Variants in ZSCAN31 observed in about 807,000 individuals in gnomAD.
The protein encoded by ZSCAN31 is zinc finger and SCAN domain containing 31, also known as zinc finger and SCAN domain-containing protein 31.
ZSCAN31 carries 14 observed loss-of-function variants against 22.5 expected under a neutral mutation model. The observed-to-expected ratio is 0.62, with a 90% CI of 0.41 to 0.97. The LOEUF (loss-of-function observed/expected upper bound fraction) is 0.97. Among genes scored for constraint, ZSCAN31 ranks in the 50% least tolerant of loss-of-function variants. The pLI is 0.00. For synonymous variants in ZSCAN31, 168 were observed against 169.8 expected (o/e 0.99, Z 0.08); for missense variants, 424 against 483.4 (o/e 0.88, Z 1.15).
At position 28,329,743 on chromosome 6, in the gene ZSCAN31, A is replaced by C; in HGVS notation, c.-60T>G. On this transcript the variant is annotated 5_prime_UTR_variant, in exon 2 of 4. Coordinates refer to ENST00000344279, the MANE Select transcript of ZSCAN31 (RefSeq NM_030899.5). ...TAAGTAAAGGGATAACTGTGATTTA[A>C]AATTTTCTGATTTAATCTTCCTTAG... The C allele has an allele frequency of 6.6e-7, 1 of 1,523,804 alleles. No individual in the cohort carries two copies. Among genetic ancestry groups the C allele is most frequent in the Non-Finnish European group, 8.8e-7 (1 of 1,138,636 alleles). The allele number at this position is 1,523,804 out of a possible 1,614,324, so 94.4% of individuals were successfully genotyped here.
intron 1 of ZSCAN31, among the ~76,000 whole-genome samples, chr6:28,330,301 G>C (rs1280967134): frequency 1.3e-5 from 2 of 151,924 alleles, no homozygotes; most frequent in African/African-American, 2.4e-5. Flanking sequence ...TGTATAAATA[G>C]GGCCTGCCCA....
chr6:28,348,136 T>C (rs1764725480), intron 2 of ZSCAN31, among the ~76,000 whole-genome samples: 1 of 152,198 alleles, frequency 6.6e-6, no homozygotes. Context: ...GTTGACTATA[T>C]GTGTTGCAAA....
In ZSCAN31 at chr6:28,333,927, A is replaced by G. The variant is rs531114975; in HGVS notation, c.-96+2155T>C. On this transcript the variant is annotated intron_variant, in intron 1 of 3. Transcript: ENST00000344279. This position sits in a 1 kb window ranked among gnomAD's most constrained non-coding sequence, Gnocchi z 4.1. ...GAATGAGCTGAGGGAATGAGGGTAG[A>G]GGCAAAAGTGGAAGCAGAAAGCAAG... Among the ~76,000 whole-genome samples, 3 of 152,250 alleles carry G rather than the reference A, an allele frequency of 2.0e-5. No individual in the cohort carries two copies. Among genetic ancestry groups the G allele is most frequent in the African/African-American group, 7.2e-5 (3 of 41,566 alleles).
Position 28,347,506 on chromosome 6 carries a change from C to T in ZSCAN31, c.-370-5714G>A, listed in dbSNP as rs1764689656. ...TCCTCTCCTTCCCCTTTTTAAAAAT[C>T]GCAGTGCTTATCAACTTCCATTCCA... On this transcript the variant is annotated intron_variant, in intron 2 of 7. Coordinates refer to the ZSCAN31 transcript ENST00000396838. This position sits in a 1 kb window ranked among gnomAD's most constrained non-coding sequence, Gnocchi z 5.2. Among the ~76,000 whole-genome samples the T allele has an allele frequency of 1.3e-5, 2 of 152,142 alleles. No homozygotes were observed. The highest frequency in any genetic ancestry group is 4.8e-5 in the African/African-American group (2 of 41,438).
rs753760721 is a variant in ZSCAN31 at position 28,326,350 on chromosome 6, G to C, written c.1037C>G (p.Thr346Ser). Residue 346 changes from threonine (T) to serine (S), a missense_variant, in exon 4 of 4, where the codon ACT (threonine) becomes AGT (serine). By Grantham distance (58) the Thr-to-Ser change is moderately conservative (BLOSUM62 1). Transcript: ENST00000344279. ...ACGACACTGATAGCGCTTCTCTCCA[G>C]TGTGTATCCTCTGATGCTGAACAAG... is the stretch of plus-strand genomic sequence containing the variant. ...SCLVQHQRIHTGEKRYQCREC... is the reference protein window; with the variant it reads ...SCLVQHQRIHSGEKRYQCREC... 24 of 1,614,142 alleles carry C rather than the reference G, an allele frequency of 1.5e-5. No homozygotes were observed. The highest frequency in any genetic ancestry group is 1.6e-4 in the Middle Eastern group (1 of 6,084).
At chr6:28,329,825 T>G (rs1361687141) in intron 1 of ZSCAN31, 47 bp from the exon 2 acceptor site, 2 of 1,136,658 alleles carry the variant, frequency 1.8e-6, no homozygotes, top group East Asian at 2.5e-5. Context: ...CATAAAGTAG[T>G]GGGGAAAAAA....
At chr6:28,343,064 A>G (rs946940251) in intron 2 of ZSCAN31, among the ~76,000 whole-genome samples, 1 of 152,220 alleles carries the variant, frequency 6.6e-6, no homozygotes, top group Non-Finnish European at 1.5e-5. Context: ...ATGTGGTCAT[A>G]TAGGGGCCAG....
rs144910587 is a variant in ZSCAN31 at position 28,333,161 on chromosome 6, CAGTGGACTTCCACACTCATGAA to C, written c.-96+2899_-96+2920del. On this transcript the variant is annotated intron_variant, in intron 1 of 3. Transcript: ENST00000344279. This position sits in a 1 kb window ranked among gnomAD's most constrained non-coding sequence, Gnocchi z 4.1. ...GCTCACTGTTTCATTCCAGGACCTG[CAGTGGACTTCCACACTCATGAA>C]AGGGAGACAGAAAAATAAAAGGTAG... Among the ~76,000 whole-genome samples the C allele has an allele frequency of 6.6e-6, 1 of 152,148 alleles. No homozygotes were observed. Among genetic ancestry groups the C allele is most frequent in the African/African-American group, 2.4e-5 (1 of 41,426 alleles).
intron 2 of ZSCAN31, among the ~76,000 whole-genome samples, chr6:28,344,167 A>T (rs1764542598): frequency 7.9e-5 from 12 of 152,222 alleles, no homozygotes; most frequent in Admixed American, 6.5e-4. Context: ...GCAGGGAAAT[A>T]TATTCAATGA....
chr6:28,329,275 G>A (rs762388920), intron 2 of ZSCAN31, 28 bp downstream of exon 2: 2 of 1,541,492 alleles, frequency 1.3e-6, no homozygotes, highest in Non-Finnish European at 1.7e-6. Context: ...AGTATTTAAT[G>A]TCTAGAAGTC....
At chr6:28,346,779 A>G (rs1163409271) in intron 2 of ZSCAN31, among the ~76,000 whole-genome samples, 1 of 152,216 alleles carries the variant, frequency 6.6e-6, no homozygotes, top group Non-Finnish European at 1.5e-5. Flanking sequence ...AGATGATAGT[A>G]AAGGATGAGG....
intron 3 of ZSCAN31, 64 bp from the exon 4 acceptor site, chr6:28,326,918 A>T (rs1763328066): frequency 2.2e-6 from 3 of 1,383,950 alleles, no homozygotes; most frequent in Non-Finnish European, 3.0e-6. Context: ...CAATCATAGG[A>T]TGGAAATAGA....
chr6:28,345,156 A>AAAAAAG (rs1554143646), intron 2 of ZSCAN31, among the ~76,000 whole-genome samples: 5 of 147,384 alleles, frequency 3.4e-5, no homozygotes, highest in East Asian at 2.0e-4. Context: ...AAAAAAAAAA[A>AAAAAAG]AAAAGAAAAA....
intron 2 of ZSCAN31, among the ~76,000 whole-genome samples, chr6:28,328,866 C>T (rs1763515658): frequency 6.6e-6 from 1 of 152,204 alleles, no homozygotes; most frequent in South Asian, 2.1e-4. Context: ...TCACAATCTA[C>T]ATTCTTCTGC....
At position 28,349,139 on chromosome 6, in the gene ZSCAN31, CATATATAGGTGTATATATATGTCTCAT is replaced by C. The variant is rs70983938; in HGVS notation, c.-371+4696_-371+4722del. On this transcript the variant is annotated intron_variant, in intron 2 of 7. Transcript: ENST00000396838. The surrounding 1 kb of genome is among the most constrained non-coding windows in gnomAD (Gnocchi z 4.1). ...TATACATAGGTGTATATATATGTCT[CATATATAGGTGTATATATATGTCTCAT>C]ATATATAGGTGTATATATATGTCTC... Among the ~76,000 whole-genome samples, 16,696 of 93,422 alleles carry C rather than the reference CATATATAGGTGTATATATATGTCTCAT, an allele frequency of 0.18. 2,708 individuals are homozygous for C. Among genetic ancestry groups the C allele is most frequent in the Non-Finnish European group, 0.28 (10,835 of 38,912 alleles). 61.3% of individuals were successfully genotyped at this position (93,422 alleles called of 152,430 possible). A position where few individuals can be genotyped will look rare whatever the true frequency, so the allele number is the denominator to read the frequency against.
At position 28,347,842 on chromosome 6, in the gene ZSCAN31, T is replaced by C. The variant is rs1380473882; in HGVS notation, c.-371+6020A>G. Reference sequence around the variant, plus strand: ...TTTCAAAATTGCTTTTTTAGATGAGTGTACCAATTTATAGTCCCAGCAACT... The same window carrying C: ...TTTCAAAATTGCTTTTTTAGATGAGCGTACCAATTTATAGTCCCAGCAACT... On this transcript the variant is annotated intron_variant, in intron 2 of 7. Coordinates refer to the ZSCAN31 transcript ENST00000396838. This position sits in a 1 kb window ranked among gnomAD's most constrained non-coding sequence, Gnocchi z 5.2. Among the ~76,000 whole-genome samples the C allele has an allele frequency of 1.3e-5, 2 of 152,218 alleles. No homozygotes were observed. The highest frequency in any genetic ancestry group is 2.9e-5 in the Non-Finnish European group (2 of 68,040).
chr6:28,335,030 G>A (rs550842055), intron 1 of ZSCAN31, among the ~76,000 whole-genome samples: 10 of 152,240 alleles, frequency 6.6e-5, no homozygotes, highest in African/African-American at 2.4e-4. Flanking sequence ...AGGAAATAAG[G>A]CTTTTGACAG....
rs150336868 is a variant in ZSCAN31 at position 28,326,778 on chromosome 6, A to C, written c.609T>G (p.Asp203Glu). ...EILKEMEHLG[D>E]SKLQRDVSLD... ...AAGATACATCTCTTTGGAGTTTGCT[A>C]TCCCCCAAATGTTCCATTTCTTTTA... is the stretch of plus-strand genomic sequence containing the variant. Residue 203 changes from aspartate (D) to glutamate (E), a missense_variant, in exon 4 of 4, where the codon GAT (aspartate) becomes GAG (glutamate). Transcript: ENST00000344279. 1.6e-4 allele frequency: 254 copies of C among 1,613,780 alleles called. 2 individuals carry two copies. In the South Asian group the frequency reaches 1.9e-3, roughly 12 times the overall value.
chr6:28,348,121 C>T (rs548969236), intron 2 of ZSCAN31, among the ~76,000 whole-genome samples: 11 of 152,032 alleles, frequency 7.2e-5, no homozygotes, highest in Non-Finnish European at 1.5e-4. Flanking sequence ...GTGGACTGAT[C>T]CTTTGTTGAC....
Sources: allele counts gnomAD v4.1 joint callset (sites outside exome capture counted in the v4.1 genomes callset), GRCh38; gene constraint gnomAD v4.1.1; non-coding constraint Gnocchi (gnomAD v3.1); transcripts MANE v1.5; gene names NCBI Gene and HGNC (gene_info 2026-07-23, HGNC 2026-07-21).